The following ANKS1B variants were observed in gnomAD, a reference collection of about 807,000 sequenced individuals.
ANKS1B encodes the protein ankyrin repeat and sterile alpha motif domain-containing protein 1B.
Under a neutral mutation model 148.3 loss-of-function variants are expected in ANKS1B, and 36 were observed. The ratio of observed to expected loss-of-function variants is 0.24; its 90% CI spans 0.19 to 0.32. The LOEUF (loss-of-function observed/expected upper bound fraction) is 0.32, where lower values mean the gene tolerates loss of function less well. ANKS1B is among the 10% of genes least tolerant of loss of function. The pLI is 1.00. For missense variants in ANKS1B, 1,157 were observed against 1,542.6 expected (o/e 0.75, Z 4.19); for synonymous variants, 542 against 560.8 (o/e 0.97, Z 0.47).
At chr12:99,402,966 A>G (rs2152611699) in intron 11 of ANKS1B, among the ~76,000 whole-genome samples, 1 of 145,008 alleles carries the variant, frequency 6.9e-6, no homozygotes, top group East Asian at 1.9e-4. Flanking sequence ...TTTCTCCACA[A>G]CCTTCCCAGC....
intron 1 of ANKS1B, among the ~76,000 whole-genome samples, chr12:99,979,050 G>T (rs2095661281): frequency 6.6e-6 from 1 of 151,984 alleles, no homozygotes. Context: ...TAGAATAAAA[G>T]GTAGTTGTGC....
chr12:99,079,369 G>GT (rs1174707017), intron 16 of ANKS1B, among the ~76,000 whole-genome samples: 7 of 152,170 alleles, frequency 4.6e-5, no homozygotes, highest in Non-Finnish European at 8.8e-5. Context: ...TCATTCAGAG[G>GT]TTCTCAGTGC....
intron 1 of ANKS1B, among the ~76,000 whole-genome samples, chr12:99,962,810 CTTT>C (rs1010885602): frequency 2.5e-5 from 3 of 120,710 alleles, no homozygotes; most frequent in African/African-American, 3.1e-5. Flanking sequence ...TGATGTTGAG[CTTT>C]TTTTTTTTTT....
chr12:99,018,473 T>C (rs186830191), intron 17 of ANKS1B, among the ~76,000 whole-genome samples: 10 of 152,328 alleles, frequency 6.6e-5, no homozygotes, highest in East Asian at 1.9e-4. Flanking sequence ...TTTTGAAATA[T>C]TGAATATTTA....
intron 12 of ANKS1B, 78 bp downstream of exon 12, chr12:99,399,553 A>C (rs1266851972): frequency 4.1e-5 from 60 of 1,459,968 alleles, no homozygotes; most frequent in Middle Eastern, 2.2e-4. Context: ...TTGTACGAAG[A>C]CTCCTCCTAA....
intron 10 of ANKS1B, among the ~76,000 whole-genome samples, chr12:99,453,317 A>T (rs1401951160): frequency 6.6e-6 from 1 of 152,058 alleles, no homozygotes; most frequent in Non-Finnish European, 1.5e-5. Flanking sequence ...AAGAAAAAAA[A>T]AGAAGAGATG....
chr12:99,574,218 C>T (rs1296106822), intron 9 of ANKS1B, among the ~76,000 whole-genome samples: 2 of 152,220 alleles, frequency 1.3e-5, no homozygotes, highest in East Asian at 3.9e-4. Flanking sequence ...TCTTTTGTTC[C>T]ACCTTATTCC....
chr12:98,912,516 T>A (rs1345750752), intron 17 of ANKS1B, among the ~76,000 whole-genome samples: 1 of 152,212 alleles, frequency 6.6e-6, no homozygotes, highest in East Asian at 1.9e-4. Context: ...TTCTCTCTGC[T>A]AGACTCCTTA....
intron 15 of ANKS1B, among the ~76,000 whole-genome samples, chr12:99,098,442 C>T (rs2056908704): frequency 6.6e-6 from 1 of 152,142 alleles, no homozygotes; most frequent in African/African-American, 2.4e-5. Context: ...GTTCACCTTA[C>T]AGCTCTGCAC....
chr12:98,887,355 G>A (rs1172948136), intron 17 of ANKS1B, among the ~76,000 whole-genome samples: 1 of 152,128 alleles, frequency 6.6e-6, no homozygotes, highest in African/African-American at 2.4e-5. Flanking sequence ...CCTGGAAGGG[G>A]TCACAGCAGT....
At chr12:98,877,146 A>G (rs2099693287) in intron 17 of ANKS1B, among the ~76,000 whole-genome samples, 3 of 152,220 alleles carry the variant, frequency 2.0e-5, no homozygotes, top group Admixed American at 2.0e-4. Flanking sequence ...TACAAGAACA[A>G]TGAATTTTGG....
chr12:99,180,746 A>G (rs1222453437), intron 14 of ANKS1B, among the ~76,000 whole-genome samples: 1 of 151,932 alleles, frequency 6.6e-6, no homozygotes, highest in Non-Finnish European at 1.5e-5. Context: ...TCAGGGGTCC[A>G]AACACAAAAC....
Position 99,931,370 on chromosome 12 carries a change from G to T in ANKS1B, c.134+52734C>A, listed in dbSNP as rs185160358. On this transcript the variant is annotated intron_variant, in intron 1 of 26. Transcript: ENST00000683438. ...AATAAAATTTAAAAAAAAAGAGAAT[G>T]ACAGAGGGATTACCAAAACAGAAAG... Among the ~76,000 whole-genome samples, 36 of 152,050 alleles carry T rather than the reference G, an allele frequency of 2.4e-4. No individual in the cohort carries two copies. The East Asian group carries it at 6.6e-3, about 28-fold the overall frequency.
chr12:99,828,404 A>G (rs924363415), intron 1 of ANKS1B, among the ~76,000 whole-genome samples: 23 of 152,288 alleles, frequency 1.5e-4, no homozygotes, highest in African/African-American at 4.3e-4. Flanking sequence ...CCTACAACCA[A>G]CAAGTCCCAA....
chr12:99,335,330 CATTT>C (rs1403521870), intron 12 of ANKS1B, among the ~76,000 whole-genome samples: 1 of 151,938 alleles, frequency 6.6e-6, no homozygotes, highest in East Asian at 1.9e-4. Context: ...TAATCTCAAG[CATTT>C]ATTATTTCTT....
At chr12:98,928,139 A>G (rs924146836) in intron 17 of ANKS1B, among the ~76,000 whole-genome samples, 3 of 151,760 alleles carry the variant, frequency 2.0e-5, no homozygotes, top group African/African-American at 2.4e-5. Flanking sequence ...ACAAAAGATT[A>G]TAAGGGAATG....
At chr12:98,835,495 A>G (rs1471286607) in intron 17 of ANKS1B, among the ~76,000 whole-genome samples, 2 of 152,240 alleles carry the variant, frequency 1.3e-5, no homozygotes, top group Non-Finnish European at 2.9e-5. Context: ...CTTTGGATGA[A>G]GAGATGTGGC....
chr12:98,953,926 T>C (rs1305721319), intron 17 of ANKS1B, among the ~76,000 whole-genome samples: 2 of 152,220 alleles, frequency 1.3e-5, no homozygotes, highest in Non-Finnish European at 2.9e-5. Context: ...GTCCAGCTCA[T>C]GTCTCATCTT....
chr12:99,670,388 G>A (rs1435234661), intron 8 of ANKS1B, among the ~76,000 whole-genome samples: 2 of 152,006 alleles, frequency 1.3e-5, no homozygotes, highest in African/African-American at 2.4e-5. Context: ...TTTTGCATCA[G>A]TGAATACACA....
Sources: gnomAD v4.1 joint callset for allele counts (sites outside exome capture counted in the v4.1 genomes callset) on GRCh38, gnomAD v4.1.1 for gene constraint, MANE v1.5 for transcripts, NCBI Gene and HGNC (gene_info 2026-07-23, HGNC 2026-07-21) for gene names.